Variants in CUBN observed in about 807,000 individuals in gnomAD.
CUBN encodes cubilin, also known as 460 kDa receptor.
A neutral mutation model predicts 405.3 loss-of-function variants in CUBN; 282 were observed. The observed-to-expected ratio is 0.70, with a 90% CI of 0.63 to 0.77. CUBN has a LOEUF of 0.77. Among genes scored for constraint, CUBN ranks in the 30% least tolerant of loss-of-function variants. The pLI is 0.00. For synonymous variants in CUBN, 1,684 were observed against 1,617.0 expected (o/e 1.04, Z -0.99); for missense variants, 4,514 against 4,475.2 (o/e 1.01, Z -0.25).
At chr10:16,920,222 T>A in intron 43 of CUBN, 85 bp from the exon 44 acceptor site, 4 of 1,336,252 alleles carry the variant, frequency 3.0e-6, no homozygotes, top group Non-Finnish European at 4.2e-6. Context: ...AAAGTCGACT[T>A]CTCTGTATTT....
At position 17,129,070 on chromosome 10, in the gene CUBN, T is replaced by A. The variant is rs151298549; in HGVS notation, c.252+51A>T. The A allele has an allele frequency of 3.9e-4, 569 of 1,470,710 alleles. 3 individuals are homozygous for A. The East Asian group carries it at 0.011, about 30-fold the overall frequency. 91.1% of individuals were successfully genotyped at this position (1,470,710 alleles called of 1,614,324 possible). ...ATTAATCTAGACTTGTTCAATTAAG[T>A]CACCGTATATGGATATACAAAATGA... On this transcript the variant is annotated intron_variant, in intron 2 of 66. Transcript: ENST00000377833.
chr10:16,865,239 G>A (rs1164762385), intron 59 of CUBN, among the ~76,000 whole-genome samples: 1 of 148,254 alleles, frequency 6.7e-6, no homozygotes, highest in African/African-American at 2.5e-5. Context: ...TAAAGTGCCA[G>A]TATTACAGGC....
Position 17,085,596 on chromosome 10 carries a change from C to T in CUBN, c.2110+1G>A. The T allele has an allele frequency of 6.2e-7, 1 of 1,613,724 alleles. No homozygotes were observed. Among genetic ancestry groups the T allele is most frequent in the Non-Finnish European group, 8.5e-7 (1 of 1,179,662 alleles). On this transcript the variant is annotated splice_donor_variant, in intron 16 of 66. Coordinates refer to ENST00000377833, the MANE Select transcript of CUBN (RefSeq NM_001081.4). LOFTEE classifies it high-confidence loss of function. ...AAGCCCCCAACTGGTAGGTTACTTA[C>T]AAGGTGATGTTAAGTAGGTGATATG... is the stretch of plus-strand genomic sequence containing the variant.
At position 16,937,793 on chromosome 10, in the gene CUBN, A is replaced by T; in HGVS notation, c.5734-9T>A. On this transcript the variant is annotated splice_polypyrimidine_tract_variant and intron_variant, in intron 38 of 66. Coordinates refer to ENST00000377833, the MANE Select transcript of CUBN (RefSeq NM_001081.4). ...CTAGGCCCATCATAGATCTGTACAT[A>T]AAAACAGATAATAGAGCATTGTATT... is the stretch of plus-strand genomic sequence containing the variant. 1.9e-6 allele frequency: 3 copies of T among 1,612,510 alleles called. No homozygotes were observed. The highest frequency in any genetic ancestry group is 2.5e-6 in the Non-Finnish European group (3 of 1,178,618).
chr10:16,977,185 G>A (rs1010452424), intron 31 of CUBN, among the ~76,000 whole-genome samples: 1 of 152,054 alleles, frequency 6.6e-6, no homozygotes, highest in East Asian at 1.9e-4. Flanking sequence ...GGTAGAAGAG[G>A]GCAGTTCCCC....
At chr10:16,966,874 C>T (rs7913601) in intron 31 of CUBN, among the ~76,000 whole-genome samples, 24,269 of 152,158 alleles carry the variant, frequency 0.16, 2,082 homozygotes, top group Non-Finnish European at 0.19. Flanking sequence ...AGATAATTCA[C>T]ATGGAGGTGC....
chr10:17,105,564 G>A lies in CUBN; in HGVS notation c.1123C>T (p.Leu375Phe). ...SCSSTLGSLP[L>F]CTCLPGYTGN... ...GTATAACCCGGGAGACACGTGCAGA[G>A]AGGTAAGGAACCTGTTCAGAAATAA... is the stretch of plus-strand genomic sequence containing the variant. Residue 375 changes from leucine (L) to phenylalanine (F), a missense_variant, in exon 11 of 67, where the codon CTC becomes TTC. Physicochemically the swap from Leu to Phe is conservative, Grantham distance 22. Coordinates refer to ENST00000377833, the MANE Select transcript of CUBN (RefSeq NM_001081.4). The A allele has an allele frequency of 6.3e-7, 1 of 1,590,182 alleles. No individual in the cohort carries two copies. The highest frequency in any genetic ancestry group is 8.6e-7 in the Non-Finnish European group (1 of 1,157,868).
intron 19 of CUBN, 32 bp downstream of exon 19, chr10:17,071,394 A>C (rs1835735483): frequency 6.2e-7 from 1 of 1,606,726 alleles, no homozygotes; most frequent in Non-Finnish European, 8.5e-7. Flanking sequence ...ATATACAACC[A>C]AATACAAATT....
In CUBN at chr10:16,952,431, A is replaced by T. The variant is rs2131629947; in HGVS notation, c.4856-42T>A. ...CACACATACATGTCATATGCTTTTC[A>T]TTTCTACTGACCGTACAAAACAATT... On this transcript the variant is annotated intron_variant, in intron 32 of 66. Coordinates refer to ENST00000377833, the MANE Select transcript of CUBN (RefSeq NM_001081.4). 4 of 1,123,526 alleles carry T rather than the reference A, an allele frequency of 3.6e-6. No individual in the cohort carries two copies. In the East Asian group the frequency reaches 9.4e-5, roughly 26 times the overall value. 69.6% of individuals were successfully genotyped at this position (1,123,526 alleles called of 1,614,324 possible).
intron 36 of CUBN, among the ~76,000 whole-genome samples, chr10:16,945,996 C>G (rs1295339659): frequency 6.6e-6 from 1 of 152,116 alleles, no homozygotes; most frequent in Non-Finnish European, 1.5e-5. Flanking sequence ...TCCTGATGCA[C>G]AGATTAGCAA....
rs567071097 is a variant in CUBN, at chr10:17,005,393, G to C, written c.4168+14440C>G. 2.0e-5 allele frequency among the ~76,000 whole-genome samples: 3 copies of C among 152,264 alleles called. No homozygotes were observed. In the East Asian group the frequency reaches 5.8e-4, roughly 29 times the overall value. On this transcript the variant is annotated intron_variant, in intron 28 of 66. Transcript: ENST00000377833. ...TTATGCTTTATACATTAAAGAGTAA[G>C]AATTTCTTAATCCCCCTACCAAGAG...
chr10:16,837,913 T>G (rs1234632165), intron 62 of CUBN, among the ~76,000 whole-genome samples: 2 of 152,174 alleles, frequency 1.3e-5, no homozygotes, highest in Non-Finnish European at 2.9e-5. Context: ...TCTCGTGCCC[T>G]GAAAGTGCCA....
In CUBN at chr10:16,888,574, G is replaced by A; in HGVS notation, c.8756-8C>T. 2 of 1,612,344 alleles carry A rather than the reference G, an allele frequency of 1.2e-6. No individual in the cohort carries two copies. Among genetic ancestry groups the A allele is most frequent in the Admixed American group, 1.7e-5 (1 of 59,996 alleles). On this transcript the variant is annotated splice_region_variant and splice_polypyrimidine_tract_variant and intron_variant, in intron 55 of 66. Transcript: ENST00000377833. Reference sequence around the variant, plus strand: ...TGAAATTACTTCCACATCCTATGTGGGAACAAAAAGTCATCATCAGATCAT... The same window carrying A: ...TGAAATTACTTCCACATCCTATGTGAGAACAAAAAGTCATCATCAGATCAT...
chr10:16,953,985 T>G (rs2131632876), intron 32 of CUBN, among the ~76,000 whole-genome samples: 1 of 152,032 alleles, frequency 6.6e-6, no homozygotes, highest in African/African-American at 2.4e-5. Context: ...AGTTGGACAA[T>G]GGCAGGATTC....
intron 65 of CUBN, among the ~76,000 whole-genome samples, chr10:16,829,275 A>G (rs1045048558): frequency 1.3e-5 from 2 of 151,186 alleles, no homozygotes; most frequent in Non-Finnish European, 2.9e-5. Context: ...CTTTGCCTGC[A>G]TATCACAACC....
intron 28 of CUBN, among the ~76,000 whole-genome samples, chr10:17,006,554 A>G (rs1834032121): frequency 6.6e-6 from 1 of 152,226 alleles, no homozygotes; most frequent in Non-Finnish European, 1.5e-5. Context: ...CCAGTGATAA[A>G]CAAAGGCTAA....
Position 16,982,622 on chromosome 10 carries a change from T to A in CUBN, c.4557A>T (p.Gly1519=). The change falls in exon 31 of 67, where the codon GGA becomes GGT. Residue 1519 remains glycine (G), a synonymous_variant. Coordinates refer to ENST00000377833, the MANE Select transcript of CUBN (RefSeq NM_001081.4). The part of the protein sequence containing the change: ...GCGGIFQAPS[G]EIHSPNYPSP... ...TGGGGTAATTTGGAGAATGAATCTC[T>A]CCACTGGGAGCCTGGAAAATCCCAC... 6.2e-7 allele frequency: 1 copy of A among 1,613,310 alleles called. No individual in the cohort carries two copies. Among genetic ancestry groups the A allele is most frequent in the Non-Finnish European group, 8.5e-7 (1 of 1,179,366 alleles).
At chr10:17,109,164 T>G (rs534521118) in intron 10 of CUBN, among the ~76,000 whole-genome samples, 2 of 152,324 alleles carry the variant, frequency 1.3e-5, no homozygotes, top group African/African-American at 4.8e-5. Flanking sequence ...GGTTAAACCC[T>G]TCTATGCAGC....
At position 16,948,500 on chromosome 10, in the gene CUBN, G is replaced by C; in HGVS notation, c.5187C>G (p.Thr1729=). Reference sequence around the variant, plus strand: ...TACCCGACACTGATGCGGTGACCGTGGTGTGGAAACCCCCAGCACTGATGC... The same window carrying C: ...TACCCGACACTGATGCGGTGACCGTCGTGTGGAAACCCCCAGCACTGATGC... The part of the protein sequence containing the change: ...DSSISAGGFH[T]TVTASVSACG... The change falls in exon 35 of 67, where the codon ACC becomes ACG. Residue 1729 remains threonine (T), a synonymous_variant. Transcript: ENST00000377833. 6.2e-7 allele frequency: 1 copy of C among 1,613,976 alleles called. No homozygotes were observed. The highest frequency in any genetic ancestry group is 8.5e-7 in the Non-Finnish European group (1 of 1,179,942).
Sources: gnomAD v4.1 joint callset for allele counts (sites outside exome capture counted in the v4.1 genomes callset) on GRCh38, gnomAD v4.1.1 for gene constraint, MANE v1.5 for transcripts, NCBI Gene and HGNC (gene_info 2026-07-23, HGNC 2026-07-21) for gene names.